The following BCAR1 variants were observed in gnomAD, a reference collection of about 807,000 sequenced individuals.
BCAR1 encodes BCAR1 scaffold protein, Cas family member, also known as breast cancer anti-estrogen resistance protein 1.
In BCAR1, 30 loss-of-function variants were observed where a neutral mutation model predicts 67.6. The observed-to-expected ratio is 0.44, with a 90% CI of 0.33 to 0.60. The LOEUF is 0.60. BCAR1 is among the 20% of genes least tolerant of loss of function. BCAR1 has a pLI of 0.02. For missense variants in BCAR1, 1,313 were observed against 1,222.3 expected (o/e 1.07, Z -1.11); for synonymous variants, 626 against 556.7 (o/e 1.12, Z -1.75).
chr16:75,238,816 G>A lies in BCAR1; in HGVS notation c.634-1472C>T, dbSNP rs143434577. 3.1e-4 allele frequency: 303 copies of A among 985,446 alleles called. 2 individuals carry two copies. The African/African-American group carries it at 4.7e-3, about 15-fold the overall frequency. The allele number at this position is 985,446 out of a possible 1,614,324, so 61.0% of individuals were successfully genotyped here. A position where few individuals can be genotyped will look rare whatever the true frequency, so the allele number is the denominator to read the frequency against. On this transcript the variant is annotated intron_variant, in intron 2 of 6. Coordinates refer to ENST00000162330, the MANE Select transcript of BCAR1 (RefSeq NM_014567.5). ...GGGACCTGCCAACAGCGGGGCAGGC[G>A]GGGCGGAGGGACGTGGCAGGTTGGC... is the stretch of plus-strand genomic sequence containing the variant.
At chr16:75,259,873 A>AT (rs55967705) in intron 1 of BCAR1, among the ~76,000 whole-genome samples, 3 of 149,088 alleles carry the variant, frequency 2.0e-5, no homozygotes, top group Admixed American at 6.7e-5. Context: ...AAAAAAAAAA[A>AT]GAATAAAACC....
At chr16:75,238,166 C>A (rs1157366059) in intron 2 of BCAR1, 1 of 1,263,734 alleles carries the variant, frequency 7.9e-7, no homozygotes. Context: ...CTGCCCAGGG[C>A]CACAGGACCC....
chr16:75,258,171 G>A (rs764804152), intron 1 of BCAR1, among the ~76,000 whole-genome samples: 1 of 152,230 alleles, frequency 6.6e-6, no homozygotes, highest in Non-Finnish European at 1.5e-5. Context: ...CCTACCCCAT[G>A]TGCTAAGCCC....
At chr16:75,231,098 CTTT>C (rs201896551) in intron 6 of BCAR1, among the ~76,000 whole-genome samples, 8 of 131,814 alleles carry the variant, frequency 6.1e-5, no homozygotes, top group African/African-American at 8.4e-5. Flanking sequence ...CCAGGCTAAT[CTTT>C]TTTTTTTTTT....
chr16:75,235,729 G>A lies in BCAR1; in HGVS notation c.1170C>T (p.Pro390=), dbSNP rs754088825. ...RPGPGTLYDV[P]RERVLPPEVA... ...CCTCAGGAGGAAGCACCCGTTCACG[G>A]GGCACATCGTACAGGGTGCCCGGGC... The change falls in exon 5 of 7, where the codon CCC becomes CCT. Residue 390 remains proline, a synonymous_variant. Transcript: ENST00000162330. 1 of 1,605,580 alleles carries A rather than the reference G, an allele frequency of 6.2e-7. No individual in the cohort carries two copies. The highest frequency in any genetic ancestry group is 8.5e-7 in the Non-Finnish European group (1 of 1,176,006).
intron 1 of BCAR1, chr16:75,248,082 GCTCAGAAGCTCC>G (rs766878765): frequency 1.8e-5 from 28 of 1,588,676 alleles, no homozygotes; most frequent in Admixed American, 3.3e-5. Context: ...GAAAACCAAG[GCTCAGAAGCTCC>G]CTGACAGCCC....
intron 1 of BCAR1, chr16:75,264,469 A>G (rs1221622174): frequency 7.5e-5 from 111 of 1,479,188 alleles, no homozygotes; most frequent in Non-Finnish European, 9.0e-5. Context: ...CCAGGAGAGC[A>G]GAACAGAAGA....
At chr16:75,252,194 G>A (rs1385917061), upstream of BCAR1, 4 of 1,536,258 alleles carry the variant, frequency 2.6e-6, no homozygotes, top group African/African-American at 1.4e-5. Context: ...CAGGGAGGCT[G>A]GCGAGCTCTC....
At chr16:75,236,180 G>A (rs1482100657) in intron 4 of BCAR1, 194 bp from the exon 5 acceptor site, 9 of 656,006 alleles carry the variant, frequency 1.4e-5, no homozygotes, top group South Asian at 4.1e-5. Flanking sequence ...ACACACACTC[G>A]CAGCCCTAGC....
At chr16:75,236,785 C>T (rs776344112) in intron 4 of BCAR1, 97 bp downstream of exon 4, 3 of 1,468,302 alleles carry the variant, frequency 2.0e-6, no homozygotes, top group Admixed American at 4.3e-5. Flanking sequence ...CTGCCCGCCA[C>T]CCCCAGCCCT....
In BCAR1 at chr16:75,242,776, G is replaced by T; in HGVS notation, c.327C>A (p.Pro109=). ...YTPMLPNTYQ[P]QPDSVYLVPT... is the part of the protein sequence containing the mutation. ...GCACCAGGTAGACGCTGTCTGGCTGGGGCTGGTAGGTGTTGGGGAGCATGG... is the reference window on the plus strand; with the variant it reads ...GCACCAGGTAGACGCTGTCTGGCTGTGGCTGGTAGGTGTTGGGGAGCATGG... Residue 109 remains proline, a synonymous_variant, in exon 2 of 7, where the codon CCC becomes CCA. Transcript: ENST00000162330. The T allele has an allele frequency of 1.9e-6, 3 of 1,598,230 alleles. No homozygotes were observed. Among genetic ancestry groups the T allele is most frequent in the African/African-American group, 1.3e-5 (1 of 74,760 alleles).
At chr16:75,263,767 G>A (rs1329737355) in intron 1 of BCAR1, 11 of 986,604 alleles carry the variant, frequency 1.1e-5, no homozygotes, top group South Asian at 4.7e-5. Context: ...ACGTGTCCCT[G>A]AGCAGTCGCC....
At position 75,234,009 on chromosome 16, in the gene BCAR1, C is replaced by T. The variant is rs982775157; in HGVS notation, c.2011-74G>A. 2.3e-5 allele frequency: 33 copies of T among 1,452,988 alleles called. No individual in the cohort carries two copies. In the African/African-American group the frequency reaches 2.4e-4, roughly 11 times the overall value. 90.0% of individuals were successfully genotyped at this position (1,452,988 alleles called of 1,614,324 possible). On this transcript the variant is annotated intron_variant, in intron 5 of 6. Coordinates refer to ENST00000162330, the MANE Select transcript of BCAR1 (RefSeq NM_014567.5). ...AAGCACAGGCCAGCCCTGTGGCGGG[C>T]GCAGTGAGCTGAGTGGCCACCAGGT...
intron 1 of BCAR1, chr16:75,265,045 A>AGAGATGCCAGTGCCCAAGTGTG (rs1385762555): frequency 3.3e-5 from 5 of 152,448 alleles, no homozygotes; most frequent in African/African-American, 1.2e-4. Flanking sequence ...TGAGATGCTC[A>AGAGATGCCAGTGCCCAAGTGTG]GAGATGCCAG....
At position 75,236,892 on chromosome 16, in the gene BCAR1, T is replaced by G; in HGVS notation, c.902A>C (p.Asn301Thr). ...CTGGCATTTGCTCACTGCGTGGTGG[T>G]TGGACGGTGGCAGGCCCTTCTCCAC... ...PSVEKGLPPS[N>T]HHAVYDVPPS... The change falls in exon 4 of 7, where the codon AAC becomes ACC. Residue 301 changes from asparagine (N) to threonine (T), a missense_variant. Around this residue, in one of 2 missense-constraint regions of BCAR1, gnomAD observed 1,272 missense variants for 1,137.5 expected, o/e 1.12. Transcript: ENST00000162330. 2 of 1,612,440 alleles carry G rather than the reference T, an allele frequency of 1.2e-6. No individual in the cohort carries two copies. The highest frequency in any genetic ancestry group is 1.7e-6 in the Non-Finnish European group (2 of 1,179,322).
upstream of BCAR1, among the ~76,000 whole-genome samples, chr16:75,255,283 T>C (rs549299966): frequency 1.3e-5 from 2 of 152,174 alleles, no homozygotes; most frequent in South Asian, 2.1e-4. Flanking sequence ...ACTCGGTTGA[T>C]GGCCAGCTCT....
At chr16:75,265,837 C>G (rs902162418) in intron 1 of BCAR1, 17 of 1,186,498 alleles carry the variant, frequency 1.4e-5, no homozygotes, top group Non-Finnish European at 1.8e-5. Flanking sequence ...GCACGGACAT[C>G]TTGGCCGCCG....
intron 1 of BCAR1, among the ~76,000 whole-genome samples, chr16:75,256,739 G>A (rs1041148826): frequency 6.6e-5 from 10 of 152,042 alleles, no homozygotes; most frequent in African/African-American, 2.4e-4. Flanking sequence ...CAGCAAGGCA[G>A]CCCCAGGGTG....
rs751001261 is a variant in BCAR1, at chr16:75,235,661, G to A, written c.1238C>T (p.Pro413Leu). 7 of 1,610,786 alleles carry A rather than the reference G, an allele frequency of 4.3e-6. No individual in the cohort carries two copies. In the South Asian group the frequency reaches 6.6e-5, roughly 15 times the overall value. ...GVVDSGVYAV[P>L]PPAEREAPAE... is the part of the protein sequence containing the mutation. The stretch of plus-strand genomic sequence containing the variant: ...CGGGGCTTCACGTTCAGCTGGGGGA[G>A]GCACCGCATACACACCACTGTCGAC... The change falls in exon 5 of 7, where the codon CCT becomes CTT. Residue 413 changes from proline to leucine, a missense_variant. Physicochemically the swap from Pro to Leu is moderately conservative, Grantham distance 98. Around this residue, in one of 2 missense-constraint regions of BCAR1, gnomAD observed 1,272 missense variants for 1,137.5 expected, o/e 1.12. Transcript: ENST00000162330.
Sources: gnomAD v4.1 joint callset for allele counts (sites outside exome capture counted in the v4.1 genomes callset) on GRCh38, gnomAD v4.1.1 for gene constraint, gnomAD v4.1.1 regional missense constraint, MANE v1.5 for transcripts, NCBI Gene and HGNC (gene_info 2026-07-23, HGNC 2026-07-21) for gene names.